ILKAP: variants seen among roughly 807,000 people sequenced by gnomAD.
The protein encoded by ILKAP is integrin-linked kinase-associated serine/threonine phosphatase 2C.
In ILKAP, 11 loss-of-function variants were observed where a neutral mutation model predicts 49.1. The ratio of observed to expected loss-of-function variants is 0.22; its 90% confidence interval spans 0.14 to 0.37. The LOEUF (loss-of-function observed/expected upper bound fraction) is 0.37, where lower values mean the gene tolerates loss of function less well. ILKAP is among the 10% of genes least tolerant of loss of function. The probability of loss-of-function intolerance (pLI) is 1.00; values close to 1 mark genes in which losing one functional copy is unlikely to be tolerated. For synonymous variants in ILKAP, 186 were observed against 192.8 expected (o/e 0.96, Z 0.29); for missense variants, 363 against 510.8 (o/e 0.71, Z 2.79).
chr2:238,203,216 T>C (rs1342362473), intron 1 of ILKAP, among the ~76,000 whole-genome samples: 1 of 150,854 alleles, frequency 6.6e-6, no homozygotes. Flanking sequence ...CGCCGGCGCC[T>C]TTCACCGCCA....
At chr2:238,197,745 T>C (rs1694405177) in intron 1 of ILKAP, among the ~76,000 whole-genome samples, 1 of 152,164 alleles carries the variant, frequency 6.6e-6, no homozygotes, top group African/African-American at 2.4e-5. Context: ...ATGAGAGGTA[T>C]TTCAATTAAA....
intron 1 of ILKAP, among the ~76,000 whole-genome samples, chr2:238,202,916 A>G (rs2106343754): frequency 6.6e-6 from 1 of 151,584 alleles, no homozygotes; most frequent in Non-Finnish European, 1.5e-5. Context: ...ACTGTTAATT[A>G]TCACAAAATC....
chr2:238,177,042 A>T (rs1476295413), intron 9 of ILKAP, among the ~76,000 whole-genome samples: 1 of 152,270 alleles, frequency 6.6e-6, no homozygotes, highest in Non-Finnish European at 1.5e-5. Context: ...TGCTATATGT[A>T]AACTTCCCAT....
chr2:238,191,552 G>A (rs967181710), intron 3 of ILKAP, among the ~76,000 whole-genome samples: 2 of 152,212 alleles, frequency 1.3e-5, no homozygotes, highest in African/African-American at 4.8e-5. Flanking sequence ...TTAGTGTCCT[G>A]TGGCTTACTG....
At chr2:238,201,659 C>G (rs1301401970) in intron 1 of ILKAP, among the ~76,000 whole-genome samples, 1 of 152,206 alleles carries the variant, frequency 6.6e-6, no homozygotes, top group Admixed American at 6.5e-5. Flanking sequence ...TTTTGTCAGT[C>G]AAGGGAGCCT....
chr2:238,197,141 A>C (rs1694376971), intron 1 of ILKAP, among the ~76,000 whole-genome samples: 1 of 152,230 alleles, frequency 6.6e-6, no homozygotes, highest in Non-Finnish European at 1.5e-5. Flanking sequence ...GGTTGCGGTG[A>C]GCTGAGATAG....
At position 238,189,944 on chromosome 2, in the gene ILKAP, C is replaced by A. The variant is rs771328681; in HGVS notation, c.207G>T (p.Met69Ile). The A allele has an allele frequency of 5.0e-6, 8 of 1,613,912 alleles. No homozygotes were observed. The South Asian group carries it at 8.8e-5, about 18-fold the overall frequency. ...TTGCTCCTTTCCCTTCAGTCTTTAC[C>A]ATCTGGGATATTGATGTGGCAAGAG... Reference protein sequence around the residue: ...SGSLATSISQMVKTEGKGAKR... With the variant: ...SGSLATSISQIVKTEGKGAKR... Residue 69 changes from methionine (M) to isoleucine (I), a missense_variant, in exon 4 of 12, where the codon ATG becomes ATT. This residue lies in a region of ILKAP where 114 missense variants were observed against 116.0 expected (regional missense o/e 0.98). Transcript: ENST00000254654.
chr2:238,173,808 T>C, intron 9 of ILKAP, 155 bp from the exon 10 acceptor site: 1 of 947,750 alleles, frequency 1.1e-6, no homozygotes, highest in Non-Finnish European at 1.5e-6. Flanking sequence ...TGATCTCAAA[T>C]ATGCAGGGGT....
intron 1 of ILKAP, among the ~76,000 whole-genome samples, chr2:238,196,117 T>A (rs1459025861): frequency 8.0e-6 from 1 of 125,090 alleles, no homozygotes; most frequent in Non-Finnish European, 1.6e-5. Context: ...TTTTTGAGAC[T>A]GAGTCTCACT....
intron 8 of ILKAP, among the ~76,000 whole-genome samples, chr2:238,183,083 C>T (rs1693762689): frequency 6.6e-6 from 1 of 152,142 alleles, no homozygotes; most frequent in African/African-American, 2.4e-5. Flanking sequence ...GGGTCTGCAT[C>T]CAGCTTTCCG....
At chr2:238,194,222 T>C (rs2106339709) in intron 3 of ILKAP, 53 bp downstream of exon 3, 2 of 1,480,066 alleles carry the variant, frequency 1.4e-6, no homozygotes, top group East Asian at 4.5e-5. Context: ...CACATAAGAG[T>C]AAAATACTAT....
At chr2:238,176,242 T>C (rs1325038682) in intron 9 of ILKAP, among the ~76,000 whole-genome samples, 2 of 149,614 alleles carry the variant, frequency 1.3e-5, no homozygotes. Flanking sequence ...CAAGTGATCC[T>C]CCTGCCTCAA....
In ILKAP at chr2:238,190,925, CT is replaced by C. The variant is rs1316399899; in HGVS notation, c.179-954del. ...AAAAAAGGATGCAAGTACTTATTTA[CT>C]TACTCAACCTACTCTTTGCCAGACA... On this transcript the variant is annotated intron_variant, in intron 3 of 11. Coordinates refer to ENST00000254654, the MANE Select transcript of ILKAP (RefSeq NM_030768.3). Among the ~76,000 whole-genome samples, 4 of 137,744 alleles carry C rather than the reference CT, an allele frequency of 2.9e-5. No individual in the cohort carries two copies. In the Admixed American group the frequency reaches 3.0e-4, roughly 10 times the overall value. The allele number at this position is 137,744 out of a possible 152,430, so 90.4% of individuals were successfully genotyped here.
intron 9 of ILKAP, among the ~76,000 whole-genome samples, chr2:238,179,566 G>A (rs983058900): frequency 1.3e-5 from 2 of 152,094 alleles, no homozygotes; most frequent in African/African-American, 4.8e-5. Context: ...TATTCACAAG[G>A]TACCAGTGAA....
At chr2:238,189,600 CCTGTATT>C (rs1694040304) in intron 4 of ILKAP, 1 of 273,150 alleles carries the variant, frequency 3.7e-6, no homozygotes, top group Non-Finnish European at 6.9e-6. Flanking sequence ...AAAAAAACCA[CCTGTATT>C]TTTTAACTCT....
intron 1 of ILKAP, among the ~76,000 whole-genome samples, chr2:238,199,626 G>A (rs1694487795): frequency 6.6e-6 from 1 of 151,802 alleles, no homozygotes; most frequent in Admixed American, 6.6e-5. Context: ...TTCTCGGTTT[G>A]TCTTTTGCCT....
At chr2:238,191,969 TTGG>T (rs1042393857) in intron 3 of ILKAP, among the ~76,000 whole-genome samples, 6 of 150,368 alleles carry the variant, frequency 4.0e-5, no homozygotes, top group African/African-American at 1.5e-4. Context: ...TCCCAGCACT[TTGG>T]GAGGCAGAGG....
chr2:238,172,016 T>G (rs987181926), intron 10 of ILKAP, among the ~76,000 whole-genome samples: 19 of 151,860 alleles, frequency 1.3e-4, no homozygotes, highest in Admixed American at 1.1e-3. Flanking sequence ...ATCTGTGGGG[T>G]TTTTTTGTGT....
intron 9 of ILKAP, among the ~76,000 whole-genome samples, chr2:238,174,495 C>T (rs1188839328): frequency 2.6e-5 from 4 of 152,314 alleles, no homozygotes; most frequent in South Asian, 2.1e-4. Context: ...TGCGCATGGG[C>T]GTTTAAGATC....
Sources: gnomAD v4.1 joint callset for allele counts (sites outside exome capture counted in the v4.1 genomes callset) on GRCh38, gnomAD v4.1.1 for gene constraint, gnomAD v4.1.1 regional missense constraint, MANE v1.5 for transcripts, NCBI Gene and HGNC (gene_info 2026-07-23, HGNC 2026-07-21) for gene names.